The following ZBTB7C variants were observed in gnomAD, a reference collection of about 807,000 sequenced individuals.
ZBTB7C encodes zinc finger and BTB domain-containing protein 7C.
Under a neutral mutation model 25.7 loss-of-function variants are expected in ZBTB7C, and 8 were observed. That is an observed-to-expected ratio of 0.31 (90% CI 0.18 to 0.56). The LOEUF is 0.56. ZBTB7C is among the 20% of genes least tolerant of loss of function. The pLI, the probability that ZBTB7C is intolerant of heterozygous loss-of-function variation, is 0.91. For synonymous variants in ZBTB7C, 394 were observed against 369.0 expected, an observed-to-expected ratio of 1.07 and a Z score of -0.78; for missense variants, 824 against 855.2, an observed-to-expected ratio of 0.96 and a Z score of 0.46.
At chr18:48,404,032 C>A (rs1034422874) in intron 1 of ZBTB7C, among the ~76,000 whole-genome samples, 1 of 152,144 alleles carries the variant, frequency 6.6e-6, no homozygotes, top group Non-Finnish European at 1.5e-5. Flanking sequence ...GCAGGCGGAT[C>A]GCCTGAGGTC....
chr18:48,355,173 C>CCA (rs1246352998), intron 1 of ZBTB7C, among the ~76,000 whole-genome samples: 3 of 152,136 alleles, frequency 2.0e-5, no homozygotes, highest in East Asian at 3.8e-4. Context: ...TAACATGAGC[C>CCA]TCTTGGAGAG....
rs138188834 is a variant in ZBTB7C, at chr18:48,039,980, G to A, written c.1128C>T (p.Ala376=). ...TCCTCATGTGCCGCGGCAGCTTCCC[G>A]GCCCCCATGATGACTTTGTGGCAGA... The part of the protein sequence containing the change: ...CPICHKVIMG[A]GKLPRHMRTH... Residue 376 remains alanine (A), a synonymous_variant, in exon 4 of 5, where the codon GCC becomes GCT. Coordinates refer to ENST00000590800, the MANE Select transcript of ZBTB7C (RefSeq NM_001318841.2). 313 of 1,614,036 alleles carry A rather than the reference G, an allele frequency of 1.9e-4. 1 individual carries two copies. The African/African-American group carries it at 3.4e-3, about 18-fold the overall frequency.
chr18:48,326,033 G>A (rs2046210544), intron 2 of ZBTB7C, among the ~76,000 whole-genome samples: 1 of 151,828 alleles, frequency 6.6e-6, no homozygotes, highest in South Asian at 2.1e-4. Flanking sequence ...CAGAGCATAA[G>A]GACCTGGGAA....
At chr18:48,232,789 C>T (rs539075080) in intron 2 of ZBTB7C, among the ~76,000 whole-genome samples, 2 of 152,176 alleles carry the variant, frequency 1.3e-5, no homozygotes, top group Non-Finnish European at 2.9e-5. Flanking sequence ...TTATTATTCT[C>T]AGCAGTTTCA....
In ZBTB7C at chr18:48,172,716, C is replaced by T. The variant is rs768334232; in HGVS notation, c.-17+13218G>A. On this transcript the variant is annotated intron_variant, in intron 3 of 4. Coordinates refer to ENST00000590800, the MANE Select transcript of ZBTB7C (RefSeq NM_001318841.2). ...CGGCCCCTCCCTCAGGGAGCTGGCC[C>T]GGGGCGAAGAGGGCCTTGGACTTGC... Among the ~76,000 whole-genome samples, 44 of 152,230 alleles carry T rather than the reference C, an allele frequency of 2.9e-4. 2 individuals carry two copies. The highest frequency in any genetic ancestry group is 2.3e-3 in the Admixed American group (35 of 15,282).
At chr18:48,295,441 C>A (rs901284945) in intron 2 of ZBTB7C, among the ~76,000 whole-genome samples, 1 of 152,148 alleles carries the variant, frequency 6.6e-6, no homozygotes, top group Non-Finnish European at 1.5e-5. Context: ...GTTTCCTCTG[C>A]GTCATGTGAG....
intron 3 of ZBTB7C, among the ~76,000 whole-genome samples, chr18:48,160,317 T>A (rs1227989869): frequency 6.6e-6 from 1 of 152,242 alleles, no homozygotes; most frequent in Non-Finnish European, 1.5e-5. Flanking sequence ...CACCGGTATC[T>A]ACTGAGCAAC....
At chr18:48,338,614 C>CGCACACACAT (rs2046512735) in intron 1 of ZBTB7C, among the ~76,000 whole-genome samples, 2 of 152,000 alleles carry the variant, frequency 1.3e-5, no homozygotes, top group East Asian at 3.9e-4. Context: ...ACACACACAC[C>CGCACACACAT]GCACACACAT....
chr18:48,354,703 C>T (rs971465463), intron 1 of ZBTB7C, among the ~76,000 whole-genome samples: 1 of 152,160 alleles, frequency 6.6e-6, no homozygotes, highest in African/African-American at 2.4e-5. Context: ...GCAAATCCAA[C>T]AGCAATTCCA....
chr18:48,298,013 G>C (rs893579296), intron 2 of ZBTB7C, among the ~76,000 whole-genome samples: 3 of 152,172 alleles, frequency 2.0e-5, no homozygotes, highest in African/African-American at 7.2e-5. Flanking sequence ...GGGCGCAGTG[G>C]CTCACGCCTG....
At chr18:48,356,602 G>A (rs1442260608) in intron 1 of ZBTB7C, among the ~76,000 whole-genome samples, 1 of 152,154 alleles carries the variant, frequency 6.6e-6, no homozygotes, top group Non-Finnish European at 1.5e-5. Context: ...ATCTCCTAGG[G>A]CAGAAGTGAG....
At chr18:48,321,058 A>G (rs1162217021) in intron 2 of ZBTB7C, among the ~76,000 whole-genome samples, 2 of 152,228 alleles carry the variant, frequency 1.3e-5, no homozygotes, top group African/African-American at 4.8e-5. Flanking sequence ...AATCACCTAG[A>G]GAAATTCATA....
At chr18:48,187,737 C>T (rs1413185641) in intron 2 of ZBTB7C, among the ~76,000 whole-genome samples, 1 of 143,258 alleles carries the variant, frequency 7.0e-6, no homozygotes, top group Admixed American at 7.5e-5. Flanking sequence ...AGGAGAATGG[C>T]GTGAACCCGG....
intron 3 of ZBTB7C, among the ~76,000 whole-genome samples, chr18:48,128,866 T>A (rs1308444431): frequency 6.6e-6 from 1 of 151,860 alleles, no homozygotes; most frequent in African/African-American, 2.4e-5. Flanking sequence ...GAAATAAATT[T>A]TTTTTTTTAA....
rs766237520 is a variant in ZBTB7C at position 48,040,069 on chromosome 18, A to G, written c.1039T>C (p.Phe347Leu). The G allele has an allele frequency of 5.0e-6, 8 of 1,613,278 alleles. No homozygotes were observed. In the African/African-American group the frequency reaches 6.7e-5, roughly 13 times the overall value. ...FLSATHLGGLFPPWPLVEERK... is the reference protein window; with the variant it reads ...FLSATHLGGLLPPWPLVEERK... ...TCTTCTACCAGGGGCCAGGGTGGGA[A>G]GAGGCCTCCCAGGTGGGTGGCACTC... The change falls in exon 4 of 5, where the codon TTC becomes CTC. Residue 347 changes from phenylalanine to leucine, a missense_variant. Coordinates refer to ENST00000590800, the MANE Select transcript of ZBTB7C (RefSeq NM_001318841.2).
chr18:48,229,649 C>A (rs370208833), intron 2 of ZBTB7C, among the ~76,000 whole-genome samples: 3 of 152,130 alleles, frequency 2.0e-5, no homozygotes, highest in African/African-American at 7.2e-5. Flanking sequence ...GGCATTGTTC[C>A]CAGAATATTT....
chr18:48,315,666 T>G (rs1486050593), intron 2 of ZBTB7C, among the ~76,000 whole-genome samples: 2 of 152,002 alleles, frequency 1.3e-5, no homozygotes, highest in African/African-American at 4.8e-5. Context: ...GTAGGAAGGG[T>G]GGCTCCTCAT....
At chr18:48,335,565 A>G (rs1258860274) in intron 2 of ZBTB7C, among the ~76,000 whole-genome samples, 1 of 152,076 alleles carries the variant, frequency 6.6e-6, no homozygotes, top group Non-Finnish European at 1.5e-5. Context: ...GTCCCCAGGG[A>G]TTCGTTATAG....
chr18:48,034,477 C>T (rs565030488), intron 4 of ZBTB7C, among the ~76,000 whole-genome samples: 1 of 152,244 alleles, frequency 6.6e-6, no homozygotes, highest in South Asian at 2.1e-4. Context: ...AGGCCAAGCC[C>T]AGAGCCAGGG....
Sources: allele counts gnomAD v4.1 joint callset (sites outside exome capture counted in the v4.1 genomes callset), GRCh38; gene constraint gnomAD v4.1.1; transcripts MANE v1.5; gene names NCBI Gene and HGNC (gene_info 2026-07-23, HGNC 2026-07-21).